Variants in MTPAP observed in about 807,000 individuals in gnomAD.
MTPAP encodes the protein mitochondrial poly(A) polymerase, also known as poly(A) RNA polymerase, mitochondrial.
MTPAP carries 23 observed loss-of-function variants against 48.7 expected under a neutral mutation model. The ratio of observed to expected loss-of-function variants is 0.47; its 90% CI spans 0.34 to 0.67. The LOEUF is 0.67. Ranked by LOEUF, MTPAP falls within the 30% of genes least tolerant of loss-of-function variation. MTPAP has a pLI of 0.01. For synonymous variants in MTPAP, 257 were observed against 254.1 expected, an observed-to-expected ratio of 1.01 and a Z score of -0.11; for missense variants, 614 against 694.3, an observed-to-expected ratio of 0.88 and a Z score of 1.30.
rs111766119 is a variant in MTPAP, at chr10:30,314,638, C to T, written c.1387-667G>A. Among the ~76,000 whole-genome samples the T allele has an allele frequency of 3.9e-3, 597 of 151,822 alleles. 2 individuals carry two copies. Among genetic ancestry groups the T allele is most frequent in the African/African-American group, 0.014 (566 of 41,462 alleles). ...CTGTAATCCAAGCATTTTGGGAGGC[C>T]GAGGCAGGTGGAACACCTGAGGTCA... On this transcript the variant is annotated intron_variant, in intron 8 of 8. Coordinates refer to ENST00000263063, the MANE Select transcript of MTPAP (RefSeq NM_018109.4).
chr10:30,335,627 G>A (rs1270035201), intron 4 of MTPAP, among the ~76,000 whole-genome samples: 1 of 152,110 alleles, frequency 6.6e-6, no homozygotes, highest in Non-Finnish European at 1.5e-5. Context: ...AACATAAATG[G>A]AAGAAATAAT....
chr10:30,344,500 G>A (rs1834847580), intron 1 of MTPAP, among the ~76,000 whole-genome samples: 3 of 152,164 alleles, frequency 2.0e-5, no homozygotes, highest in African/African-American at 7.2e-5. Context: ...GAGGGCAGAG[G>A]CTATTCTTTT....
At chr10:30,347,641 CA>C (rs1176942290) in intron 1 of MTPAP, among the ~76,000 whole-genome samples, 2 of 152,204 alleles carry the variant, frequency 1.3e-5, no homozygotes, top group Non-Finnish European at 2.9e-5. Flanking sequence ...CCTGTAATCC[CA>C]GCACTTTGGG....
chr10:30,337,139 G>T, intron 3 of MTPAP, 112 bp from the exon 4 acceptor site: 1 of 934,318 alleles, frequency 1.1e-6, no homozygotes, highest in East Asian at 2.6e-5. Flanking sequence ...TTAGAAATAT[G>T]CAAAGCCTGG....
At chr10:30,314,980 C>T (rs1039141584) in intron 8 of MTPAP, among the ~76,000 whole-genome samples, 2 of 151,518 alleles carry the variant, frequency 1.3e-5, no homozygotes, top group African/African-American at 4.8e-5. Context: ...TATATCTTTT[C>T]CTCTTTCAAA....
rs762823319 is a variant in MTPAP at position 30,336,912 on chromosome 10, T to A, written c.671A>T (p.Asp224Val). The A allele has an allele frequency of 6.2e-7, 1 of 1,613,272 alleles. No homozygotes were observed. The highest frequency in any genetic ancestry group is 8.5e-7 in the Non-Finnish European group (1 of 1,179,974). ...GGAGCCAAAGGGTCTGACTATGCAGTCTGGAAAATACGCGGCGGCCATGTC... is the reference window on the plus strand; with the variant it reads ...GGAGCCAAAGGGTCTGACTATGCAGACTGGAAAATACGCGGCGGCCATGTC... ...IEDMAAAYFP[D>V]CIVRPFGSSV... The change falls in exon 4 of 9, where the codon GAC becomes GTC. Residue 224 changes from aspartate to valine, a missense_variant. By Grantham distance (152) the Asp-to-Val change is radical (BLOSUM62 -3). Coordinates refer to ENST00000263063, the MANE Select transcript of MTPAP (RefSeq NM_018109.4).
At position 30,322,545 on chromosome 10, in the gene MTPAP, G is replaced by A. The variant is rs949779584; in HGVS notation, c.1065C>T (p.Phe355=). ...ALDSRVRALV[F]SVRCWARAHS... ...GTGCTCGAGCCCAGCACCGTACACT[G>A]AACACCAAGGCTCTCACTCTTGAGT... Residue 355 remains phenylalanine (F), a synonymous_variant, in exon 6 of 9, where the codon TTC becomes TTT. Coordinates refer to ENST00000263063, the MANE Select transcript of MTPAP (RefSeq NM_018109.4). 6.2e-7 allele frequency: 1 copy of A among 1,614,012 alleles called. No individual in the cohort carries two copies. Among genetic ancestry groups the A allele is most frequent in the African/African-American group, 1.3e-5 (1 of 75,022 alleles).
At chr10:30,319,364 CAAATA>C (rs1840696102) in intron 6 of MTPAP, among the ~76,000 whole-genome samples, 1 of 151,902 alleles carries the variant, frequency 6.6e-6, no homozygotes, top group Non-Finnish European at 1.5e-5. Context: ...AGCAAGGAAG[CAAATA>C]AAATATTTTT....
chr10:30,329,188 C>CA (rs1834634861), intron 4 of MTPAP, among the ~76,000 whole-genome samples: 2 of 151,742 alleles, frequency 1.3e-5, no homozygotes, highest in African/African-American at 4.8e-5. Flanking sequence ...GCCAAGGTTG[C>CA]AGTGAGCCGA....
chr10:30,328,508 T>A (rs1289618301), intron 4 of MTPAP, among the ~76,000 whole-genome samples: 1 of 152,232 alleles, frequency 6.6e-6, no homozygotes, highest in Non-Finnish European at 1.5e-5. Flanking sequence ...GTACTATCCA[T>A]GTGGTATACA....
intron 7 of MTPAP, 32 bp downstream of exon 7, chr10:30,316,086 A>G: frequency 1.2e-6 from 2 of 1,609,078 alleles, no homozygotes; most frequent in East Asian, 2.2e-5. Context: ...GTTTCAATCC[A>G]GAAAGGATCA....
Position 30,349,230 on chromosome 10 carries a change from C to T in MTPAP, c.46G>A (p.Ala16Thr). ...CGCTGGACTCGAGTTCTTCTCCGGG[C>T]ACACAGGTTCAAACGGGTCAAGAGC... ...VGLLTRLNLCARRRTRVQRPI... is the reference protein window; with the variant it reads ...VGLLTRLNLCTRRRTRVQRPI... Residue 16 changes from alanine to threonine, a missense_variant, in exon 1 of 9, where the codon GCC becomes ACC. Physicochemically the swap from Ala to Thr is moderately conservative, Grantham distance 58. Transcript: ENST00000263063. 1.9e-6 allele frequency: 3 copies of T among 1,602,058 alleles called. No individual in the cohort carries two copies. The highest frequency in any genetic ancestry group is 2.6e-6 in the Non-Finnish European group (3 of 1,175,530).
intron 5 of MTPAP, among the ~76,000 whole-genome samples, chr10:30,324,767 C>T (rs1247504939): frequency 6.6e-6 from 1 of 151,992 alleles, no homozygotes; most frequent in Non-Finnish European, 1.5e-5. Context: ...CTTGGGAGGC[C>T]GAGGTGGGCA....
At chr10:30,342,737 G>T (rs1365928139) in intron 1 of MTPAP, among the ~76,000 whole-genome samples, 1 of 152,090 alleles carries the variant, frequency 6.6e-6, no homozygotes, top group Non-Finnish European at 1.5e-5. Flanking sequence ...TTTCTCAAGG[G>T]TCTTGATCTG....
chr10:30,343,129 T>C (rs1215650938), intron 1 of MTPAP, among the ~76,000 whole-genome samples: 3 of 152,138 alleles, frequency 2.0e-5, no homozygotes, highest in African/African-American at 4.8e-5. Flanking sequence ...ACTCTAGAGA[T>C]CATAAACCAC....
chr10:30,326,464 G>C lies in MTPAP; in HGVS notation c.952C>G (p.Gln318Glu), dbSNP rs993311444. The change falls in exon 5 of 9, where the codon CAG becomes GAG. Residue 318 changes from glutamine to glutamate, a missense_variant. By Grantham distance (29) the Gln-to-Glu change is conservative. Around this residue, in one of 5 missense-constraint regions of MTPAP, gnomAD observed 261 missense variants for 355.4 expected, o/e 0.73. Transcript: ENST00000263063. ...AAATCACACTGAAATCCGGAGGCCT[G>C]GTGTGAGAACCTCACGAGCGGACAC... ...ARCPLVRFSHQASGFQCDLTT... is the reference protein window; with the variant it reads ...ARCPLVRFSHEASGFQCDLTT... 1 of 1,614,088 alleles carries C rather than the reference G, an allele frequency of 6.2e-7. No individual in the cohort carries two copies. Among genetic ancestry groups the C allele is most frequent in the African/African-American group, 1.3e-5 (1 of 75,022 alleles).
At chr10:30,348,465 T>G (rs1400022684) in intron 1 of MTPAP, among the ~76,000 whole-genome samples, 4 of 152,222 alleles carry the variant, frequency 2.6e-5, no homozygotes, top group Non-Finnish European at 5.9e-5. Flanking sequence ...TTTTAAGAAC[T>G]GTAAATAGAA....
chr10:30,323,451 CA>C lies in MTPAP; in HGVS notation c.993-835del, dbSNP rs755342499. Among the ~76,000 whole-genome samples the C allele has an allele frequency of 9.7e-3, 825 of 84,712 alleles. 2 individuals are homozygous for C. The highest frequency in any genetic ancestry group is 0.041 in the African/African-American group (762 of 18,738). 55.6% of individuals were successfully genotyped at this position (84,712 alleles called of 152,430 possible). On this transcript the variant is annotated intron_variant, in intron 5 of 8. Transcript: ENST00000263063. Reference sequence around the variant, plus strand: ...TGGGTGTCAGAGCAAGACCCTGCCTCAAAAAAAAAAAAAAAAAAAAAAGAAA... The same window carrying C: ...TGGGTGTCAGAGCAAGACCCTGCCTCAAAAAAAAAAAAAAAAAAAAAGAAA...
At chr10:30,328,635 C>A (rs988894623) in intron 4 of MTPAP, among the ~76,000 whole-genome samples, 2 of 152,144 alleles carry the variant, frequency 1.3e-5, no homozygotes, top group Admixed American at 1.3e-4. Flanking sequence ...ACATCTACCC[C>A]CTTCCTTTCA....
Sources: allele counts gnomAD v4.1 joint callset (sites outside exome capture counted in the v4.1 genomes callset), GRCh38; gene constraint gnomAD v4.1.1; regional missense constraint gnomAD v4.1.1; transcripts MANE v1.5; gene names NCBI Gene and HGNC (gene_info 2026-07-23, HGNC 2026-07-21).